The following ZNF251 variants were observed in gnomAD, a reference collection of about 807,000 sequenced individuals.
The protein encoded by ZNF251 is zinc finger protein 251.
Under a neutral mutation model 13.5 loss-of-function variants are expected in ZNF251, and 14 were observed. The observed-to-expected ratio is 1.04, with a 90% confidence interval of 0.69 to 1.63. The LOEUF is 1.63. Among genes scored for constraint, ZNF251 ranks in the 40% most tolerant of loss-of-function variants. The pLI, the probability that ZNF251 is intolerant of heterozygous loss-of-function variation, is 0.00. For synonymous variants in ZNF251, 287 were observed against 295.2 expected, an observed-to-expected ratio of 0.97 and a Z score of 0.28; for missense variants, 764 against 834.9, an observed-to-expected ratio of 0.92 and a Z score of 1.05.
chr8:144,751,429 C>A (rs1824689049), intron 4 of ZNF251, among the ~76,000 whole-genome samples: 1 of 151,964 alleles, frequency 6.6e-6, no homozygotes, highest in South Asian at 2.1e-4. Flanking sequence ...ACAACTATAA[C>A]AAAAAGGATG....
At position 144,723,278 on chromosome 8, in the gene ZNF251, C is replaced by T. The variant is rs1221899657; in HGVS notation, c.382G>A (p.Ala128Thr). 3 of 1,610,422 alleles carry T rather than the reference C, an allele frequency of 1.9e-6. No homozygotes were observed. The highest frequency in any genetic ancestry group is 2.5e-6 in the Non-Finnish European group (3 of 1,178,608). ...GCTTCCCGAAACTCAGCGGCCTGTG[C>T]ATTATCCCTTAAGAGTCTTCTTGAT... is the stretch of plus-strand genomic sequence containing the variant. ...FVSRRLLRDN[A>T]QAAEFREAWG... The change falls in exon 5 of 5, where the codon GCA becomes ACA. Residue 128 changes from alanine to threonine, a missense_variant. Physicochemically the swap from Ala to Thr is moderately conservative, Grantham distance 58. Transcript: ENST00000292562.
At chr8:144,754,895 T>A in intron 1 of ZNF251, 92 bp from the exon 2 acceptor site, 1 of 1,447,178 alleles carries the variant, frequency 6.9e-7, no homozygotes, top group South Asian at 1.5e-5. Context: ...TGTGGCCTCC[T>A]GGGTCGCGGG....
chr8:144,754,811 G>A lies in ZNF251; in HGVS notation c.-75-8C>T, dbSNP rs769321672. 6 of 1,558,488 alleles carry A rather than the reference G, an allele frequency of 3.8e-6. No individual in the cohort carries two copies. Among genetic ancestry groups the A allele is most frequent in the Non-Finnish European group, 5.2e-6 (6 of 1,152,980 alleles). ...AAGTCTCCCCGAACTTACCTTCAGT[G>A]GGGAGAACTCAGGCTCAGCCCCATT... On this transcript the variant is annotated splice_region_variant and splice_polypyrimidine_tract_variant and intron_variant, in intron 1 of 4. Coordinates refer to ENST00000292562, the MANE Select transcript of ZNF251 (RefSeq NM_138367.2).
chr8:144,732,131 A>AT (rs1823716133), intron 4 of ZNF251, among the ~76,000 whole-genome samples: 1 of 151,062 alleles, frequency 6.6e-6, no homozygotes, highest in African/African-American at 2.4e-5. Flanking sequence ...TTTTGTAAAG[A>AT]CGGAGTTTAC....
chr8:144,751,344 T>C (rs1824684056), intron 4 of ZNF251, among the ~76,000 whole-genome samples: 1 of 152,214 alleles, frequency 6.6e-6, no homozygotes, highest in Admixed American at 6.5e-5. Context: ...TTTTATAAAC[T>C]ATATAACTGT....
intron 4 of ZNF251, among the ~76,000 whole-genome samples, chr8:144,737,658 C>G (rs1028275515): frequency 2.0e-5 from 3 of 151,302 alleles, no homozygotes; most frequent in African/African-American, 4.9e-5. Flanking sequence ...CGGTGAAACC[C>G]CGTCTCTACT....
At chr8:144,738,457 G>T in intron 4 of ZNF251, 3 of 721,384 alleles carry the variant, frequency 4.2e-6, no homozygotes, top group Non-Finnish European at 5.1e-6. Flanking sequence ...GTGCCTCCTT[G>T]CTACATGGAA....
At position 144,754,691 on chromosome 8, in the gene ZNF251, C is replaced by G; in HGVS notation, c.33+5G>C. ...AGAGGTGGGCAGGAAGGAGGGTTAA[C>G]TCACCTGGTGCCCTGGAAGCTGGAA... On this transcript the variant is annotated splice_donor_5th_base_variant and intron_variant, in intron 2 of 4. Coordinates refer to ENST00000292562, the MANE Select transcript of ZNF251 (RefSeq NM_138367.2). 1 of 1,608,266 alleles carries G rather than the reference C, an allele frequency of 6.2e-7. No individual in the cohort carries two copies. Among genetic ancestry groups the G allele is most frequent in the South Asian group, 1.1e-5 (1 of 89,952 alleles).
At chr8:144,753,922 C>G in intron 3 of ZNF251, 126 bp from the exon 4 acceptor site, 1 of 807,302 alleles carries the variant, frequency 1.2e-6, no homozygotes, top group South Asian at 1.8e-5. Context: ...GGCCCGTGGG[C>G]TGAGACTAAG....
chr8:144,745,397 G>C (rs920917882), intron 4 of ZNF251, among the ~76,000 whole-genome samples: 6 of 151,966 alleles, frequency 3.9e-5, no homozygotes, highest in Admixed American at 3.9e-4. Flanking sequence ...CTTGATTACT[G>C]TGGCTTTATA....
rs148347335 is a variant in ZNF251 at position 144,742,286 on chromosome 8, C to T, written c.277+11397G>A. On this transcript the variant is annotated intron_variant, in intron 4 of 4. Transcript: ENST00000292562. Reference sequence around the variant, plus strand: ...GAACTGGGGCAGCAGACTCGCACCACGAGAAATGCAAAGGTCTTTGGGCTG... The same window carrying T: ...GAACTGGGGCAGCAGACTCGCACCATGAGAAATGCAAAGGTCTTTGGGCTG... Among the ~76,000 whole-genome samples the T allele has an allele frequency of 1.8e-3, 277 of 151,926 alleles. 3 individuals carry two copies. The highest frequency in any genetic ancestry group is 2.0e-3 in the African/African-American group (84 of 41,438).
chr8:144,729,316 C>A (rs997733034), intron 4 of ZNF251, among the ~76,000 whole-genome samples: 1 of 147,722 alleles, frequency 6.8e-6, no homozygotes, highest in Admixed American at 6.8e-5. Context: ...TATAAGATTC[C>A]TTTTATTTAT....
intron 4 of ZNF251, among the ~76,000 whole-genome samples, chr8:144,727,668 G>C (rs1456478708): frequency 2.0e-5 from 3 of 152,230 alleles, no homozygotes; most frequent in Non-Finnish European, 1.5e-5. Context: ...TGGCTTAAGG[G>C]AATGTGTCTG....
chr8:144,747,534 G>A (rs1335412195), intron 4 of ZNF251, among the ~76,000 whole-genome samples: 1 of 152,246 alleles, frequency 6.6e-6, no homozygotes, highest in Non-Finnish European at 1.5e-5. Flanking sequence ...TTACGATAGA[G>A]GGTGCTGGAT....
At chr8:144,727,476 C>T (rs142905029) in intron 4 of ZNF251, among the ~76,000 whole-genome samples, 1 of 152,342 alleles carries the variant, frequency 6.6e-6, no homozygotes, top group African/African-American at 2.4e-5. Context: ...GGACAACGTG[C>T]TGCAGCTTCT....
Position 144,721,199 on chromosome 8 carries a change from T to G in ZNF251, c.*445A>C, listed in dbSNP as rs1004371845. ...TTGGTGGGAGAGGTGGTGGAGAGAG[T>G]AAGGCTAAGCGCCCCCAGCAGGCCC... On this transcript the variant is annotated 3_prime_UTR_variant, in exon 5 of 5. Transcript: ENST00000292562. 42 of 195,746 alleles carry G rather than the reference T, an allele frequency of 2.1e-4. No individual in the cohort carries two copies. Among genetic ancestry groups the G allele is most frequent in the African/African-American group, 9.5e-4 (41 of 43,194 alleles). The allele number at this position is 195,746 out of a possible 1,614,324, so 12.1% of individuals were successfully genotyped here. A position where few individuals can be genotyped will look rare whatever the true frequency, so the allele number is the denominator to read the frequency against.
At chr8:144,755,103 G>A in intron 1 of ZNF251, 1 of 1,244,040 alleles carries the variant, frequency 8.0e-7, no homozygotes, top group Non-Finnish European at 1.0e-6. Context: ...TGGCCAACCT[G>A]GGGCAAAGAG....
chr8:144,725,666 G>C (rs1415484824), intron 4 of ZNF251, among the ~76,000 whole-genome samples: 1 of 152,066 alleles, frequency 6.6e-6, no homozygotes, highest in Non-Finnish European at 1.5e-5. Flanking sequence ...TGTTCATTCT[G>C]TTTTATTCTT....
intron 4 of ZNF251, among the ~76,000 whole-genome samples, chr8:144,748,651 C>T (rs1420356991): frequency 1.3e-5 from 2 of 152,172 alleles, no homozygotes; most frequent in Non-Finnish European, 2.9e-5. Context: ...ACCTCAACTT[C>T]CTGGGCTCAA....
Sources: gnomAD v4.1 joint callset for allele counts (sites outside exome capture counted in the v4.1 genomes callset) on GRCh38, gnomAD v4.1.1 for gene constraint, MANE v1.5 for transcripts, NCBI Gene and HGNC (gene_info 2026-07-23, HGNC 2026-07-21) for gene names.